The following DUSP16 variants were observed in gnomAD, a reference collection of about 807,000 sequenced individuals.
DUSP16 encodes dual specificity phosphatase 16.
A neutral mutation model predicts 58.3 loss-of-function variants in DUSP16; 21 were observed. The observed-to-expected ratio is 0.36, with a 90% CI of 0.26 to 0.52. The LOEUF (loss-of-function observed/expected upper bound fraction) is 0.52. Among genes scored for constraint, DUSP16 ranks in the 20% least tolerant of loss-of-function variants. The pLI is 0.94. For synonymous variants in DUSP16, 320 were observed against 323.8 expected (o/e 0.99, Z 0.12); for missense variants, 726 against 819.0 (o/e 0.89, Z 1.39).
intron 1 of DUSP16, among the ~76,000 whole-genome samples, chr12:12,524,468 T>C (rs1167955278): frequency 6.6e-6 from 1 of 152,250 alleles, no homozygotes; most frequent in Non-Finnish European, 1.5e-5. Flanking sequence ...ATCTCTTTCA[T>C]TTACAGTTAG....
intron 4 of DUSP16, 72 bp downstream of exon 4, chr12:12,500,447 A>G (rs1943891861): frequency 2.0e-6 from 3 of 1,490,884 alleles, no homozygotes; most frequent in South Asian, 1.4e-5. Context: ...TTCAAATGAC[A>G]TAATGGGTAA....
intron 6 of DUSP16, 115 bp from the exon 7 acceptor site, chr12:12,478,130 G>C (rs550138531): frequency 1.0e-6 from 1 of 984,394 alleles, no homozygotes; most frequent in East Asian, 2.4e-5. Context: ...AACTTTGGAA[G>C]ATGATTGGTT....
At chr12:12,560,236 A>T (rs1020257721) in intron 1 of DUSP16, among the ~76,000 whole-genome samples, 3 of 151,854 alleles carry the variant, frequency 2.0e-5, no homozygotes, top group African/African-American at 7.3e-5. Context: ...TTAATACTAA[A>T]AAAGAAAAAA....
rs1468394885 is a variant in DUSP16, at chr12:12,476,784, G to T, written c.*49C>A. 6.7e-7 allele frequency: 1 copy of T among 1,491,542 alleles called. No homozygotes were observed. The highest frequency in any genetic ancestry group is 8.9e-7 in the Non-Finnish European group (1 of 1,120,728). 92.4% of individuals were successfully genotyped at this position (1,491,542 alleles called of 1,614,324 possible). A position where few individuals can be genotyped will look rare whatever the true frequency, so the allele number is the denominator to read the frequency against. On this transcript the variant is annotated 3_prime_UTR_variant, in exon 7 of 7. Transcript: ENST00000298573. ...TTTCAGATTTACAGGGAATTTTTTT[G>T]TGAACAAGAAAAAAAAATTGTCTAT...
At chr12:12,499,550 TC>T (rs1463732461) in intron 4 of DUSP16, among the ~76,000 whole-genome samples, 1 of 152,160 alleles carries the variant, frequency 6.6e-6, no homozygotes, top group Non-Finnish European at 1.5e-5. Context: ...GTATTTTTCT[TC>T]CTCCTAGAAA....
At chr12:12,514,196 A>G (rs1944116271) in intron 3 of DUSP16, among the ~76,000 whole-genome samples, 1 of 152,212 alleles carries the variant, frequency 6.6e-6, no homozygotes, top group Non-Finnish European at 1.5e-5. Context: ...TTCAGGTTAA[A>G]TGACTTATCC....
intron 3 of DUSP16, among the ~76,000 whole-genome samples, chr12:12,518,795 T>C (rs1285578264): frequency 6.6e-6 from 1 of 152,094 alleles, no homozygotes; most frequent in Non-Finnish European, 1.5e-5. Context: ...AATTGAAAGA[T>C]CAGACGGAAT....
At chr12:12,548,835 A>C (rs1944686673) in intron 1 of DUSP16, among the ~76,000 whole-genome samples, 1 of 152,076 alleles carries the variant, frequency 6.6e-6, no homozygotes, top group South Asian at 2.1e-4. Flanking sequence ...TAAGCAGGGC[A>C]GGTCTGCAAT....
At chr12:12,491,814 T>C (rs1044616255) in intron 4 of DUSP16, among the ~76,000 whole-genome samples, 5 of 152,142 alleles carry the variant, frequency 3.3e-5, no homozygotes, top group Admixed American at 6.5e-5. Context: ...TAATCTTGAT[T>C]TCATGCACCC....
At chr12:12,511,227 A>C (rs940857693) in intron 3 of DUSP16, among the ~76,000 whole-genome samples, 8 of 152,208 alleles carry the variant, frequency 5.3e-5, no homozygotes, top group Admixed American at 1.3e-4. Flanking sequence ...ATAACATTCA[A>C]CTGACTTCAT....
At chr12:12,497,005 C>T (rs1323608820) in intron 4 of DUSP16, among the ~76,000 whole-genome samples, 1 of 152,194 alleles carries the variant, frequency 6.6e-6, no homozygotes, top group African/African-American at 2.4e-5. Flanking sequence ...ACAAGCCACA[C>T]ATGGCTACTG....
At chr12:12,551,259 C>A (rs569648037) in intron 1 of DUSP16, among the ~76,000 whole-genome samples, 38 of 151,720 alleles carry the variant, frequency 2.5e-4, no homozygotes, top group Non-Finnish European at 4.4e-4. Flanking sequence ...CCCAGCACCT[C>A]GGGAAGCCTA....
chr12:12,485,451 A>G (rs1943664789), intron 5 of DUSP16: 1 of 152,258 alleles, frequency 6.6e-6, no homozygotes. Context: ...AAGTTCCAAA[A>G]GCATTAAATA....
At chr12:12,525,437 T>C (rs1294475352) in intron 1 of DUSP16, among the ~76,000 whole-genome samples, 1 of 151,236 alleles carries the variant, frequency 6.6e-6, no homozygotes, top group Non-Finnish European at 1.5e-5. Flanking sequence ...CCCGGCTAAT[T>C]TTGTATTTCT....
chr12:12,546,628 G>A (rs1944644139), intron 1 of DUSP16, among the ~76,000 whole-genome samples: 1 of 152,158 alleles, frequency 6.6e-6, no homozygotes, highest in African/African-American at 2.4e-5. Context: ...CAAGCACAAA[G>A]ACAACACTAG....
At chr12:12,547,370 G>A (rs1366031263) in intron 1 of DUSP16, among the ~76,000 whole-genome samples, 1 of 150,614 alleles carries the variant, frequency 6.6e-6, no homozygotes, top group Non-Finnish European at 1.5e-5. Context: ...AGGTTGCAGT[G>A]AGCCGAGATA....
chr12:12,540,725 C>T lies in DUSP16; in HGVS notation c.-365-19262G>A, dbSNP rs137918951. Among the ~76,000 whole-genome samples the T allele has an allele frequency of 2.6e-3, 392 of 152,192 alleles. 2 individuals are homozygous for T. The highest frequency in any genetic ancestry group is 9.0e-3 in the African/African-American group (373 of 41,520). On this transcript the variant is annotated intron_variant, in intron 1 of 6. Coordinates refer to ENST00000298573, the MANE Select transcript of DUSP16 (RefSeq NM_030640.3). ...TTCTGGACGCTCTCCTACCCCAACTCCTTAGGGTGCTACACAATCTCTTTG... is the reference window on the plus strand; with the variant it reads ...TTCTGGACGCTCTCCTACCCCAACTTCTTAGGGTGCTACACAATCTCTTTG...
At chr12:12,484,545 T>C (rs1424120840) in intron 5 of DUSP16, among the ~76,000 whole-genome samples, 1 of 152,210 alleles carries the variant, frequency 6.6e-6, no homozygotes, top group Non-Finnish European at 1.5e-5. Context: ...GATTTTGATA[T>C]CTGATTTTTA....
chr12:12,528,323 C>G (rs936180277), intron 1 of DUSP16, among the ~76,000 whole-genome samples: 1 of 152,088 alleles, frequency 6.6e-6, no homozygotes, highest in Non-Finnish European at 1.5e-5. Context: ...GGAGAGGGGC[C>G]GGTGTATGGA....
Sources: allele counts gnomAD v4.1 joint callset (sites outside exome capture counted in the v4.1 genomes callset), GRCh38; gene constraint gnomAD v4.1.1; transcripts MANE v1.5; gene names NCBI Gene and HGNC (gene_info 2026-07-23, HGNC 2026-07-21).